DOT1L: variants seen among roughly 807,000 people sequenced by gnomAD.
DOT1L encodes DOT1 like histone lysine methyltransferase.
Under a neutral mutation model 153.3 loss-of-function variants are expected in DOT1L, and 33 were observed. The observed-to-expected ratio is 0.22, with a 90% confidence interval of 0.16 to 0.29. The LOEUF (loss-of-function observed/expected upper bound fraction) is 0.29, where lower values mean the gene tolerates loss of function less well. DOT1L is among the 10% of genes least tolerant of loss of function. DOT1L has a pLI of 1.00. For missense variants in DOT1L, 1,847 were observed against 2,119.9 expected (o/e 0.87, Z 2.53); for synonymous variants, 1,135 against 965.1 (o/e 1.18, Z -3.26).
rs2144983109 is a variant in DOT1L, at chr19:2,232,462, G to C, written c.*2670G>C. The stretch of plus-strand genomic sequence containing the variant: ...GTGTCTTCCGGGTGAACTGTATTTG[G>C]ATTGCGCGCATTGTCACGGTCCGCC... On this transcript the variant is annotated 3_prime_UTR_variant, in exon 28 of 28. Transcript: ENST00000398665. The C allele has an allele frequency of 4.5e-6, 1 of 222,910 alleles. No homozygotes were observed. The highest frequency in any genetic ancestry group is 6.5e-5 in the East Asian group (1 of 15,374). 13.8% of individuals were successfully genotyped at this position (222,910 alleles called of 1,614,324 possible).
chr19:2,225,080 C>T (rs527709249), intron 25 of DOT1L, among the ~76,000 whole-genome samples: 1 of 152,344 alleles, frequency 6.6e-6, no homozygotes, highest in East Asian at 1.9e-4. Flanking sequence ...CTGGGATTCT[C>T]ACACTTCTGT....
rs1166606994 is a variant in DOT1L at position 2,220,422 on chromosome 19, T to C, written c.2806+200T>C. 2 of 682,034 alleles carry C rather than the reference T, an allele frequency of 2.9e-6. No individual in the cohort carries two copies. Among genetic ancestry groups the C allele is most frequent in the South Asian group, 3.0e-5 (2 of 66,616 alleles). The allele number at this position is 682,034 out of a possible 1,614,324, so 42.2% of individuals were successfully genotyped here. On this transcript the variant is annotated intron_variant, in intron 23 of 27. Transcript: ENST00000398665. This position sits in a 1 kb window ranked among gnomAD's most constrained non-coding sequence, Gnocchi z 4.5. ...TGCGGATCGGGCTCAGCTGCAGCCATCTCGGCCTCATACCTGGGTCTCCCG... is the reference window on the plus strand; with the variant it reads ...TGCGGATCGGGCTCAGCTGCAGCCACCTCGGCCTCATACCTGGGTCTCCCG...
At chr19:2,227,888 G>A (rs1413774892) in intron 27 of DOT1L, 5 of 1,265,254 alleles carry the variant, frequency 4.0e-6, no homozygotes, top group African/African-American at 1.6e-5. Flanking sequence ...CCCCGGCCTC[G>A]GTTGAGACCC....
At chr19:2,196,843 G>A (rs111375717) in intron 7 of DOT1L, among the ~76,000 whole-genome samples, 1,920 of 152,326 alleles carry the variant, frequency 0.013, 13 homozygotes, top group Admixed American at 0.016. Flanking sequence ...CGCGGAGCAC[G>A]GTGTTAGCGG....
At chr19:2,177,599 A>C (rs1301569048) in intron 1 of DOT1L, among the ~76,000 whole-genome samples, 1 of 152,048 alleles carries the variant, frequency 6.6e-6, no homozygotes, top group East Asian at 1.9e-4. Flanking sequence ...TCCTGACCTC[A>C]TGATCTGCGC....
At chr19:2,200,634 C>T (rs538144032) in intron 8 of DOT1L, among the ~76,000 whole-genome samples, 3 of 152,278 alleles carry the variant, frequency 2.0e-5, no homozygotes, top group South Asian at 2.1e-4. Context: ...CCTGCTCCCC[C>T]AGTCCCGCCA....
chr19:2,227,969 G>T, intron 27 of DOT1L: 1 of 1,227,006 alleles, frequency 8.1e-7, no homozygotes, highest in Non-Finnish European at 1.0e-6. Context: ...GGTCCCCCGC[G>T]GGGCCGCCCG....
At chr19:2,218,459 T>C (rs1196943147) in intron 22 of DOT1L, among the ~76,000 whole-genome samples, 1 of 152,186 alleles carries the variant, frequency 6.6e-6, no homozygotes, top group African/African-American at 2.4e-5. Flanking sequence ...AGTGGTGCGA[T>C]CTCGGCTCAC....
At chr19:2,228,138 G>C in intron 27 of DOT1L, 1 of 1,364,520 alleles carries the variant, frequency 7.3e-7, no homozygotes, top group South Asian at 1.1e-5. Flanking sequence ...GCCTGCTAAC[G>C]CCTCTTTGTC....
At chr19:2,227,848 C>T (rs907007858) in intron 27 of DOT1L, 7 of 1,287,502 alleles carry the variant, frequency 5.4e-6, no homozygotes, top group Non-Finnish European at 7.1e-6. Context: ...CTGCAGGCGG[C>T]GGCCAGCGCC....
rs772356994 is a variant in DOT1L, at chr19:2,226,762, G to A, written c.4241G>A (p.Arg1414Gln). ...PLLSGKAAKA[R>Q]DREVDLKNGH... The stretch of plus-strand genomic sequence containing the variant: ...CTGAGCGGCAAGGCCGCCAAGGCCC[G>A]GGACCGCGAGGTCGACCTCAAGAAT... The change falls in exon 27 of 28, where the codon CGG (arginine) becomes CAG (glutamine). Residue 1414 changes from arginine (R) to glutamine (Q), a missense_variant. This residue lies in a region of DOT1L where 934 missense variants were observed against 825.3 expected (regional missense o/e 1.13). Transcript: ENST00000398665. 2 of 1,565,032 alleles carry A rather than the reference G, an allele frequency of 1.3e-6. No individual in the cohort carries two copies. The highest frequency in any genetic ancestry group is 1.7e-6 in the Non-Finnish European group (2 of 1,161,804).
intron 18 of DOT1L, 162 bp downstream of exon 18, chr19:2,214,148 A>G (rs1599599770): frequency 1.6e-6 from 2 of 1,257,352 alleles, no homozygotes; most frequent in Admixed American, 2.4e-5. Flanking sequence ...AGCGCGTCAC[A>G]GCAGGCAGGC....
Position 2,230,126 on chromosome 19 carries a change from G to A in DOT1L, c.*334G>A, listed in dbSNP as rs532785987. The A allele has an allele frequency of 5.2e-5, 27 of 518,486 alleles. No homozygotes were observed. The South Asian group carries it at 6.2e-4, about 12-fold the overall frequency. The allele number at this position is 518,486 out of a possible 1,614,324, so 32.1% of individuals were successfully genotyped here. ...ATATAAAGACACGTGTCTGCAGGGC[G>A]GGCCCGCCAGCGGATTCGCCACAGC... On this transcript the variant is annotated 3_prime_UTR_variant, in exon 28 of 28. Transcript: ENST00000398665.
In DOT1L at chr19:2,228,376, G is replaced by A. The variant is rs2286331; in HGVS notation, c.4606+1249G>A. On this transcript the variant is annotated intron_variant, in intron 27 of 27. Transcript: ENST00000398665. ...CCTTGCTTAGCTAGCAGTGCGTATTGTGTAAGGTAAGGCCAGAGCCCTGCG... is the reference window on the plus strand; with the variant it reads ...CCTTGCTTAGCTAGCAGTGCGTATTATGTAAGGTAAGGCCAGAGCCCTGCG... 195 of 1,296,228 alleles carry A rather than the reference G, an allele frequency of 1.5e-4. 3 individuals carry two copies. The East Asian group carries it at 4.2e-3, about 28-fold the overall frequency. 80.3% of individuals were successfully genotyped at this position (1,296,228 alleles called of 1,614,324 possible). A position where few individuals can be genotyped will look rare whatever the true frequency, so the allele number is the denominator to read the frequency against.
chr19:2,219,826 C>T (rs1216164328), intron 22 of DOT1L, among the ~76,000 whole-genome samples: 1 of 152,134 alleles, frequency 6.6e-6, no homozygotes, highest in African/African-American at 2.4e-5. Flanking sequence ...GGGTTGTGCC[C>T]AGTACCCCCT....
Position 2,190,298 on chromosome 19 carries a change from G to T in DOT1L, c.264+503G>T, listed in dbSNP as rs888953154. On this transcript the variant is annotated intron_variant, in intron 4 of 27. Coordinates refer to ENST00000398665, the MANE Select transcript of DOT1L (RefSeq NM_032482.3). This position sits in a 1 kb window ranked among gnomAD's most constrained non-coding sequence, Gnocchi z 4.8. ...GCTGGGGTGTAGCAGGGAGGGGAAC[G>T]TGCTGCTTCCCATGTTCTAGAAAGC... 6.6e-6 allele frequency among the ~76,000 whole-genome samples: 1 copy of T among 152,172 alleles called. No homozygotes were observed. The highest frequency in any genetic ancestry group is 1.5e-5 in the Non-Finnish European group (1 of 68,022).
chr19:2,222,954 C>T lies in DOT1L; in HGVS notation c.3391-327C>T, dbSNP rs371051469. On this transcript the variant is annotated intron_variant, in intron 24 of 27. Coordinates refer to ENST00000398665, the MANE Select transcript of DOT1L (RefSeq NM_032482.3). This position sits in a 1 kb window ranked among gnomAD's most constrained non-coding sequence, Gnocchi z 6.5. ...GAGCCCGGCCATCCTCCACCACGTGCGGCCTGGCAGCCTGGGAAGAGGCGG... is the reference window on the plus strand; with the variant it reads ...GAGCCCGGCCATCCTCCACCACGTGTGGCCTGGCAGCCTGGGAAGAGGCGG... 10 of 437,426 alleles carry T rather than the reference C, an allele frequency of 2.3e-5. No homozygotes were observed. Among genetic ancestry groups the T allele is most frequent in the Middle Eastern group, 1.2e-3 (2 of 1,734 alleles). 27.1% of individuals were successfully genotyped at this position (437,426 alleles called of 1,614,324 possible).
chr19:2,223,552 G>T (rs886793660), intron 25 of DOT1L, 66 bp downstream of exon 25: 2 of 322,310 alleles, frequency 6.2e-6, no homozygotes, highest in East Asian at 2.6e-4. Flanking sequence ...TGCTCACTGT[G>T]TGTGTGTGGG....
intron 26 of DOT1L, among the ~76,000 whole-genome samples, 154 bp downstream of exon 26, chr19:2,225,606 C>T (rs112169758): frequency 1.9e-4 from 29 of 152,228 alleles, no homozygotes; most frequent in African/African-American, 4.8e-4. Flanking sequence ...CCTGCTGCGT[C>T]GTGTCCTGCG....
Sources: allele counts gnomAD v4.1 joint callset (sites outside exome capture counted in the v4.1 genomes callset), GRCh38; gene constraint gnomAD v4.1.1; regional missense constraint gnomAD v4.1.1; non-coding constraint Gnocchi (gnomAD v3.1); transcripts MANE v1.5; gene names NCBI Gene and HGNC (gene_info 2026-07-23, HGNC 2026-07-21).